ELL: variants seen among roughly 807,000 people sequenced by gnomAD.
ELL encodes the protein RNA polymerase II elongation factor ELL.
In ELL, 18 loss-of-function variants were observed where a neutral mutation model predicts 64.0. The ratio of observed to expected loss-of-function variants is 0.28; its 90% CI spans 0.19 to 0.42. The LOEUF is 0.42. Ranked by LOEUF, ELL falls within the 10% of genes least tolerant of loss-of-function variation. ELL has a pLI of 1.00. For missense variants in ELL, 797 were observed against 870.4 expected, an observed-to-expected ratio of 0.92 and a Z score of 1.06; for synonymous variants, 399 against 376.2, an observed-to-expected ratio of 1.06 and a Z score of -0.70.
intron 1 of ELL, among the ~76,000 whole-genome samples, chr19:18,495,181 TGAGCCGA>T (rs1237927054): frequency 6.6e-6 from 1 of 152,126 alleles, no homozygotes; most frequent in Non-Finnish European, 1.5e-5. Context: ...TAGGGACCAC[TGAGCCGA>T]GAGCCGAGAG....
Position 18,450,642 on chromosome 19 carries a change from C to T in ELL, c.1300G>A (p.Ala434Thr), listed in dbSNP as rs200244799. 1 of 1,603,628 alleles carries T rather than the reference C, an allele frequency of 6.2e-7. No homozygotes were observed. The highest frequency in any genetic ancestry group is 1.3e-5 in the African/African-American group (1 of 74,922). Residue 434 changes from alanine to threonine, a missense_variant, in exon 8 of 12, where the codon GCC becomes ACC. Transcript: ENST00000262809. ...CTGCCGTGTGGCCTGCTGGGCTGGG[C>T]ACAGTCCGTCAGCAGGGGCAGGCCG... ...RLGLPLLTDCAQPSRPHGSPS... is the reference protein window; with the variant it reads ...RLGLPLLTDCTQPSRPHGSPS...
At position 18,509,599 on chromosome 19, in the gene ELL, A is replaced by AGCGCGCGCG. The variant is rs1568399753; in HGVS notation, c.135+12321_135+12322insCGCGCGCGC. Among the ~76,000 whole-genome samples, 67 of 9,528 alleles carry AGCGCGCGCG rather than the reference A, an allele frequency of 7.0e-3. 1 individual carries two copies. Among genetic ancestry groups the AGCGCGCGCG allele is most frequent in the Middle Eastern group, 0.056 (1 of 18 alleles). 6.3% of individuals were successfully genotyped at this position (9,528 alleles called of 152,430 possible). Reference sequence around the variant, plus strand: ...AATGCACGTGCGCGCGCGCGCACATACACACACACACACACACACACACAC... The same window carrying AGCGCGCGCG: ...AATGCACGTGCGCGCGCGCGCACATAGCGCGCGCGCACACACACACACACACACACACAC... On this transcript the variant is annotated intron_variant, in intron 1 of 11. Transcript: ENST00000262809.
chr19:18,508,759 G>A (rs950797394), intron 1 of ELL, among the ~76,000 whole-genome samples: 1 of 152,386 alleles, frequency 6.6e-6, no homozygotes, highest in African/African-American at 2.4e-5. Flanking sequence ...CACAGGGCAA[G>A]AGCAGCCATA....
At chr19:18,507,908 C>A (rs1975920349) in intron 1 of ELL, among the ~76,000 whole-genome samples, 1 of 152,224 alleles carries the variant, frequency 6.6e-6, no homozygotes, top group Non-Finnish European at 1.5e-5. Flanking sequence ...GATGAGGATG[C>A]AGCAGGCTGA....
chr19:18,484,959 G>A (rs1975379746), intron 1 of ELL, among the ~76,000 whole-genome samples: 1 of 152,156 alleles, frequency 6.6e-6, no homozygotes, highest in Admixed American at 6.5e-5. Context: ...AGAAGCTAAG[G>A]GACTGACCTA....
chr19:18,472,614 A>T, intron 2 of ELL: 1 of 547,008 alleles, frequency 1.8e-6, no homozygotes, highest in Non-Finnish European at 3.2e-6. Flanking sequence ...CTGGGAGAGG[A>T]GAGCCGCCCA....
chr19:18,511,030 G>A (rs1976009158), intron 1 of ELL, among the ~76,000 whole-genome samples: 1 of 152,208 alleles, frequency 6.6e-6, no homozygotes, highest in Admixed American at 6.5e-5. Context: ...CACTTTGGGA[G>A]GCTGAGGCGG....
chr19:18,490,016 C>A (rs1001898508), intron 1 of ELL, among the ~76,000 whole-genome samples: 7 of 152,214 alleles, frequency 4.6e-5, no homozygotes, highest in Non-Finnish European at 1.0e-4. Context: ...CCTCCAGCCA[C>A]CTGCACGCGG....
intron 6 of ELL, among the ~76,000 whole-genome samples, chr19:18,454,899 A>G (rs1472118159): frequency 2.7e-5 from 4 of 150,260 alleles, no homozygotes; most frequent in Non-Finnish European, 4.4e-5. Flanking sequence ...CTGTAAACCC[A>G]GCACTTTGGA....
Position 18,450,534 on chromosome 19 carries a change from G to C in ELL, c.1408C>G (p.Leu470Val). 6.2e-7 allele frequency: 1 copy of C among 1,613,282 alleles called. No homozygotes were observed. Among genetic ancestry groups the C allele is most frequent in the Non-Finnish European group, 8.5e-7 (1 of 1,179,936 alleles). The stretch of plus-strand genomic sequence containing the variant: ...TGGGTGGCAGGTGCACAGTCTGGAA[G>C]CTGGGCCCGGGGCTTGTCCTCAGCC... ...RAAEDKPRAQ[L>V]PDCAPATHAT... The change falls in exon 8 of 12, where the codon CTT becomes GTT. Residue 470 changes from leucine (L) to valine (V), a missense_variant. Leu to Val is a conservative substitution (Grantham distance 32). Transcript: ENST00000262809.
At chr19:18,506,771 G>T (rs937320892) in intron 1 of ELL, among the ~76,000 whole-genome samples, 3 of 152,150 alleles carry the variant, frequency 2.0e-5, no homozygotes, top group African/African-American at 4.8e-5. Flanking sequence ...ACCTCACCTT[G>T]CACACCTAGG....
intron 6 of ELL, among the ~76,000 whole-genome samples, chr19:18,455,603 T>C (rs545872970): frequency 1.5e-4 from 23 of 152,002 alleles, no homozygotes; most frequent in African/African-American, 5.3e-4. Context: ...CCCAGTGCTT[T>C]GGGTGGCTGA....
chr19:18,498,696 C>T (rs905748556), intron 1 of ELL, among the ~76,000 whole-genome samples: 1 of 152,174 alleles, frequency 6.6e-6, no homozygotes, highest in Admixed American at 6.5e-5. Flanking sequence ...GTGGCTCATG[C>T]CTGTGGCACT....
chr19:18,490,431 T>C (rs1975503416), intron 1 of ELL, among the ~76,000 whole-genome samples: 2 of 152,208 alleles, frequency 1.3e-5, no homozygotes, highest in African/African-American at 4.8e-5. Flanking sequence ...TTGCCTGACT[T>C]GGTGGTGACC....
chr19:18,517,709 T>G (rs1442241438), intron 1 of ELL, among the ~76,000 whole-genome samples: 11 of 150,956 alleles, frequency 7.3e-5, no homozygotes, highest in East Asian at 2.0e-4. Context: ...AAAAAAAATT[T>G]TTTTTAATTA....
rs186027732 is a variant in ELL, at chr19:18,465,511, C to T, written c.370G>A (p.Asp124Asn). 1.7e-5 allele frequency: 27 copies of T among 1,612,928 alleles called. No individual in the cohort carries two copies. In the Admixed American group the frequency reaches 3.3e-4, roughly 20 times the overall value. Residue 124 changes from aspartate to asparagine, a missense_variant, in exon 4 of 12, where the codon GAC (aspartate) becomes AAC (asparagine). Coordinates refer to ENST00000262809, the MANE Select transcript of ELL (RefSeq NM_006532.4). ...IQDKITVCAT[D>N]DSYQKARQSM... The stretch of plus-strand genomic sequence containing the variant: ...TGCCGCGCCTTCTGGTAGGAGTCGT[C>T]GGTGGCACACACCGTGATCTTGTCC...
intron 1 of ELL, among the ~76,000 whole-genome samples, chr19:18,508,116 A>T (rs1975924458): frequency 6.6e-6 from 1 of 152,202 alleles, no homozygotes; most frequent in Non-Finnish European, 1.5e-5. Flanking sequence ...AGGGACTCCC[A>T]TGCGGGCTGA....
intron 6 of ELL, among the ~76,000 whole-genome samples, chr19:18,456,487 G>A (rs1974677752): frequency 1.3e-5 from 2 of 152,242 alleles, no homozygotes; most frequent in Admixed American, 1.3e-4. Flanking sequence ...TCCAGGAGCT[G>A]TGCTCCCTTG....
intron 8 of ELL, 146 bp from the exon 9 acceptor site, chr19:18,446,960 G>A: frequency 1.1e-6 from 1 of 924,002 alleles, no homozygotes; most frequent in Non-Finnish European, 1.7e-6. Context: ...CTGTGTGGCA[G>A]GTGCAAGGGC....
Sources: allele counts gnomAD v4.1 joint callset (sites outside exome capture counted in the v4.1 genomes callset), GRCh38; gene constraint gnomAD v4.1.1; transcripts MANE v1.5; gene names NCBI Gene and HGNC (gene_info 2026-07-23, HGNC 2026-07-21).